ITPR1: variants seen among roughly 807,000 people sequenced by gnomAD.
ITPR1 encodes inositol 1,4,5-trisphosphate receptor type 1.
In ITPR1, 96 loss-of-function variants were observed where a neutral mutation model predicts 318.4. That is an observed-to-expected ratio of 0.30 (90% confidence interval 0.26 to 0.36). The LOEUF is 0.36. ITPR1 is among the 10% of genes least tolerant of loss of function. The probability of loss-of-function intolerance (pLI) is 1.00; values close to 1 mark genes in which losing one functional copy is unlikely to be tolerated. For missense variants in ITPR1, 2,440 were observed against 3,460.2 expected (o/e 0.71, Z 7.40); for synonymous variants, 1,312 against 1,289.9 (o/e 1.02, Z -0.37).
chr3:4,670,931 G>T lies in ITPR1; in HGVS notation c.2204+5G>T, dbSNP rs771998939. ...AGACGTTCTCAGCTACTACAGGTGC[G>T]TGGGACACGTGTGGGGCTCAGATTG... is the stretch of plus-strand genomic sequence containing the variant. On this transcript the variant is annotated splice_donor_5th_base_variant and intron_variant, in intron 20 of 61. Transcript: ENST00000649015. The T allele has an allele frequency of 6.5e-7, 1 of 1,545,346 alleles. No individual in the cohort carries two copies. Among genetic ancestry groups the T allele is most frequent in the South Asian group, 1.3e-5 (1 of 78,962 alleles).
intron 36 of ITPR1, among the ~76,000 whole-genome samples, chr3:4,704,372 G>A (rs533131305): frequency 5.3e-5 from 8 of 152,230 alleles, no homozygotes; most frequent in African/African-American, 1.7e-4. Flanking sequence ...AGATCACGCC[G>A]CTGCACTCCA....
intron 4 of ITPR1, among the ~76,000 whole-genome samples, chr3:4,610,956 T>C (rs1575710595): frequency 1.8e-5 from 1 of 56,386 alleles, no homozygotes; most frequent in African/African-American, 8.0e-5. Flanking sequence ...CCCCTTCCCC[T>C]TCCCCTTCCC....
chr3:4,703,686 T>G (rs2094701087), intron 36 of ITPR1, among the ~76,000 whole-genome samples: 1 of 152,130 alleles, frequency 6.6e-6, no homozygotes, highest in African/African-American at 2.4e-5. Flanking sequence ...GTCCAGCAAC[T>G]GTCAATTGTG....
chr3:4,814,912 A>T, intron 58 of ITPR1, 141 bp from the exon 59 acceptor site: 1 of 725,922 alleles, frequency 1.4e-6, no homozygotes. Context: ...ATGAAAAGAG[A>T]TGCAGTTTTC....
Position 4,795,155 on chromosome 3 carries a change from C to T in ITPR1, c.6899C>T (p.Ala2300Val), listed in dbSNP as rs780806176. 11 of 1,613,658 alleles carry T rather than the reference C, an allele frequency of 6.8e-6. No homozygotes were observed. Among genetic ancestry groups the T allele is most frequent in the South Asian group, 4.4e-5 (4 of 91,002 alleles). ...NLAVLMNLLV[A>V]FFYPFKGVRG... ...GCCGTCCTGATGAACCTGCTGGTGG[C>T]GTTTTTCTACCCGTTTAAGGGAGTC... The change falls in exon 53 of 62, where the codon GCG becomes GTG. Residue 2300 changes from alanine (A) to valine (V), a missense_variant. By Grantham distance (64) the Ala-to-Val change is moderately conservative. Around this residue, in one of 23 missense-constraint regions of ITPR1, gnomAD observed 115 missense variants for 204.5 expected, o/e 0.56. Transcript: ENST00000649015.
At chr3:4,795,982 C>T (rs1251932742) in intron 53 of ITPR1, among the ~76,000 whole-genome samples, 1 of 152,142 alleles carries the variant, frequency 6.6e-6, no homozygotes, top group Non-Finnish European at 1.5e-5. Flanking sequence ...TTTGGCAGAT[C>T]ACCTCACATA....
intron 46 of ITPR1, among the ~76,000 whole-genome samples, chr3:4,769,426 ATAAT>A (rs2046042679): frequency 6.6e-6 from 1 of 152,234 alleles, no homozygotes; most frequent in South Asian, 2.1e-4. Context: ...GGATGGCTAG[ATAAT>A]TAAATATATT....
At chr3:4,690,016 C>G (rs570203881) in intron 31 of ITPR1, among the ~76,000 whole-genome samples, 154 of 152,338 alleles carry the variant, frequency 1.0e-3, no homozygotes, top group Non-Finnish European at 2.0e-3. Context: ...GTGGCTCACG[C>G]CTGTAATCCC....
intron 44 of ITPR1, among the ~76,000 whole-genome samples, chr3:4,740,872 G>C (rs990091516): frequency 6.6e-6 from 1 of 152,160 alleles, no homozygotes; most frequent in South Asian, 2.1e-4. Flanking sequence ...GAGAACTTCC[G>C]GCTTTCTTTC....
chr3:4,619,876 TC>T (rs2092558793), intron 4 of ITPR1, among the ~76,000 whole-genome samples: 1 of 148,252 alleles, frequency 6.7e-6, no homozygotes, highest in South Asian at 2.2e-4. Context: ...CTCTTCCCCT[TC>T]CATTTCTCTT....
At position 4,665,259 on chromosome 3, in the gene ITPR1, T is replaced by C. The variant is rs1382567750; in HGVS notation, c.1676T>C (p.Val559Ala). 1.2e-6 allele frequency: 2 copies of C among 1,613,690 alleles called. No homozygotes were observed. The highest frequency in any genetic ancestry group is 2.2e-5 in the South Asian group (2 of 91,064). ...FRHICRLCYR[V>A]LRHSQQDYRK... The stretch of plus-strand genomic sequence containing the variant: ...CACATCTGCCGGCTCTGCTACAGGG[T>C]GCTGAGACACTCGCAGCAAGACTAC... Residue 559 changes from valine to alanine, a missense_variant, in exon 17 of 62, where the codon GTG becomes GCG. Around this residue, in one of 23 missense-constraint regions of ITPR1, gnomAD observed 478 missense variants for 696.3 expected, o/e 0.69. Coordinates refer to ENST00000649015, the MANE Select transcript of ITPR1 (RefSeq NM_001378452.1).
chr3:4,666,447 G>A lies in ITPR1; in HGVS notation c.1714-930G>A, dbSNP rs58631545. On this transcript the variant is annotated intron_variant, in intron 17 of 61. Transcript: ENST00000649015. ...GAGGATACATCTGGGTCTGTGGGGT[G>A]TGTCAAGACACTTTGCTTGTACATG... Among the ~76,000 whole-genome samples, 257 of 152,280 alleles carry A rather than the reference G, an allele frequency of 1.7e-3. 1 individual carries two copies. The highest frequency in any genetic ancestry group is 6.0e-3 in the African/African-American group (250 of 41,556).
At chr3:4,767,867 T>TA in intron 45 of ITPR1, among the ~76,000 whole-genome samples, 1 of 152,240 alleles carries the variant, frequency 6.6e-6, no homozygotes, top group East Asian at 1.9e-4. Context: ...CACCGCAAGA[T>TA]AGATACAATT....
At chr3:4,537,599 A>G (rs1175770551) in intron 4 of ITPR1, among the ~76,000 whole-genome samples, 2 of 152,222 alleles carry the variant, frequency 1.3e-5, no homozygotes, top group Non-Finnish European at 2.9e-5. Flanking sequence ...GTGCCTGATC[A>G]CAAGGGTCCT....
At chr3:4,733,449 T>A (rs2043067872) in intron 43 of ITPR1, among the ~76,000 whole-genome samples, 1 of 152,178 alleles carries the variant, frequency 6.6e-6, no homozygotes, top group South Asian at 2.1e-4. Flanking sequence ...CTTTTGCTCC[T>A]CCTTCCCATG....
At chr3:4,793,834 T>A (rs1012343984) in intron 52 of ITPR1, among the ~76,000 whole-genome samples, 2 of 152,186 alleles carry the variant, frequency 1.3e-5, no homozygotes, top group Non-Finnish European at 2.9e-5. Context: ...ACTCTACAGT[T>A]TGGAAACATT....
chr3:4,651,281 A>T (rs1055852060), intron 10 of ITPR1, among the ~76,000 whole-genome samples: 2 of 152,174 alleles, frequency 1.3e-5, no homozygotes, highest in Non-Finnish European at 2.9e-5. Flanking sequence ...TCCTGTGCAG[A>T]CTTCCAGAGC....
intron 3 of ITPR1, 39 bp from the exon 4 acceptor site, chr3:4,520,985 T>A: frequency 1.3e-6 from 2 of 1,503,148 alleles, no homozygotes; most frequent in Non-Finnish European, 1.9e-6. Context: ...AGTTTCATTT[T>A]CATACACTTG....
At chr3:4,601,437 T>G (rs1331576712) in intron 4 of ITPR1, among the ~76,000 whole-genome samples, 1 of 151,216 alleles carries the variant, frequency 6.6e-6, no homozygotes, top group African/African-American at 2.4e-5. Context: ...GAGGATCACC[T>G]GAGCCCAGGA....
Sources: gnomAD v4.1 joint callset for allele counts (sites outside exome capture counted in the v4.1 genomes callset) on GRCh38, gnomAD v4.1.1 for gene constraint, gnomAD v4.1.1 regional missense constraint, MANE v1.5 for transcripts, NCBI Gene and HGNC (gene_info 2026-07-23, HGNC 2026-07-21) for gene names.